Variants in GAP43 observed in about 807,000 individuals in gnomAD.
GAP43 encodes neuromodulin.
A neutral mutation model predicts 18.6 loss-of-function variants in GAP43; 6 were observed. The ratio of observed to expected loss-of-function variants is 0.32; its 90% confidence interval spans 0.18 to 0.64. GAP43 has a LOEUF of 0.64. GAP43 is among the 30% of genes least tolerant of loss of function. The pLI is 0.78. For synonymous variants in GAP43, 115 were observed against 111.4 expected (o/e 1.03, Z -0.20); for missense variants, 292 against 295.5 (o/e 0.99, Z 0.09).
intron 1 of GAP43, among the ~76,000 whole-genome samples, chr3:115,636,767 ATTC>A (rs1221625466): frequency 1.3e-5 from 2 of 151,960 alleles, no homozygotes; most frequent in East Asian, 3.9e-4. Flanking sequence ...CCAATTTCCT[ATTC>A]TTGTCTTATC....
chr3:115,707,540 C>T (rs1286907906), intron 2 of GAP43, among the ~76,000 whole-genome samples: 1 of 152,158 alleles, frequency 6.6e-6, no homozygotes, highest in African/African-American at 2.4e-5. Flanking sequence ...ATCCTCCTAC[C>T]TCAGCCTCCC....
At chr3:115,647,392 A>C (rs1708469236) in intron 1 of GAP43, among the ~76,000 whole-genome samples, 1 of 152,096 alleles carries the variant, frequency 6.6e-6, no homozygotes, top group African/African-American at 2.4e-5. Flanking sequence ...AACAGAGAAG[A>C]AAGAAGGTTG....
chr3:115,711,832 A>G (rs1577003100), intron 2 of GAP43, among the ~76,000 whole-genome samples: 1 of 152,180 alleles, frequency 6.6e-6, no homozygotes, highest in African/African-American at 2.4e-5. Flanking sequence ...AAGTGAGAAT[A>G]CCCTTAATTT....
chr3:115,683,126 C>CGCGTGT (rs1553723460), intron 2 of GAP43, among the ~76,000 whole-genome samples: 6 of 28,564 alleles, frequency 2.1e-4, no homozygotes, highest in African/African-American at 4.3e-4. Flanking sequence ...CATACATGTG[C>CGCGTGT]GCGCGCGTGC....
intron 2 of GAP43, among the ~76,000 whole-genome samples, chr3:115,714,693 C>T (rs561723756): frequency 1.0e-5 from 1 of 96,902 alleles, no homozygotes; most frequent in Non-Finnish European, 2.0e-5. Flanking sequence ...AACACATCAT[C>T]GATTTTTGTT....
At chr3:115,683,157 A>ATG (rs1559800471) in intron 2 of GAP43, among the ~76,000 whole-genome samples, 8 of 146,856 alleles carry the variant, frequency 5.4e-5, no homozygotes, top group Non-Finnish European at 1.2e-4. Context: ...GCACACACAC[A>ATG]CACACACACA....
Position 115,657,465 on chromosome 3 carries a change from C to A in GAP43, c.31-18548C>A, listed in dbSNP as rs192430370. ...CTTTCACTTGTTAATTCATTAATTTCTTTCGCAAATATTTTTTCAGTACCT... is the reference window on the plus strand; with the variant it reads ...CTTTCACTTGTTAATTCATTAATTTATTTCGCAAATATTTTTTCAGTACCT... On this transcript the variant is annotated intron_variant, in intron 1 of 2. Transcript: ENST00000305124. 6.6e-5 allele frequency among the ~76,000 whole-genome samples: 10 copies of A among 151,944 alleles called. No individual in the cohort carries two copies. In the East Asian group the frequency reaches 1.9e-3, roughly 29 times the overall value.
chr3:115,685,230 A>G (rs1348204114), intron 2 of GAP43, among the ~76,000 whole-genome samples: 1 of 152,154 alleles, frequency 6.6e-6, no homozygotes, highest in Admixed American at 6.5e-5. Flanking sequence ...TTATATTCAG[A>G]AACATATTGA....
chr3:115,669,862 G>A (rs905064218), intron 1 of GAP43, among the ~76,000 whole-genome samples: 17 of 151,562 alleles, frequency 1.1e-4, no homozygotes, highest in Admixed American at 7.2e-4. Context: ...GCTTCTCTGC[G>A]CACTCTGCTC....
At chr3:115,634,163 CA>C (rs1708299409) in intron 1 of GAP43, among the ~76,000 whole-genome samples, 1 of 151,812 alleles carries the variant, frequency 6.6e-6, no homozygotes, top group Non-Finnish European at 1.5e-5. Context: ...CTAGATGAGG[CA>C]AAGAAAAAAA....
At chr3:115,711,101 T>C (rs894846628) in intron 2 of GAP43, among the ~76,000 whole-genome samples, 13 of 152,212 alleles carry the variant, frequency 8.5e-5, no homozygotes, top group African/African-American at 2.9e-4. Flanking sequence ...CCTAATTTCT[T>C]ACAGCTTCAA....
At chr3:115,703,371 A>ATATT (rs1709321080) in intron 2 of GAP43, among the ~76,000 whole-genome samples, 1 of 152,078 alleles carries the variant, frequency 6.6e-6, no homozygotes, top group African/African-American at 2.4e-5. Context: ...TATTTGAGAT[A>ATATT]TATTTGTTCT....
intron 2 of GAP43, among the ~76,000 whole-genome samples, chr3:115,684,634 C>T (rs1372294970): frequency 6.6e-6 from 1 of 152,180 alleles, no homozygotes; most frequent in African/African-American, 2.4e-5. Flanking sequence ...CACCCTTTGT[C>T]TCTCTGAGGG....
At chr3:115,708,011 AC>A (rs1709386629) in intron 2 of GAP43, among the ~76,000 whole-genome samples, 1 of 33,128 alleles carries the variant, frequency 3.0e-5, no homozygotes, top group Admixed American at 3.1e-4. Context: ...ACACACACAC[AC>A]ACATATATAT....
At chr3:115,666,248 G>C (rs145531882) in intron 1 of GAP43, among the ~76,000 whole-genome samples, 1 of 152,122 alleles carries the variant, frequency 6.6e-6, no homozygotes, top group Non-Finnish European at 1.5e-5. Context: ...CCCTTCCCAA[G>C]ATAAGAAAGA....
intron 2 of GAP43, among the ~76,000 whole-genome samples, chr3:115,683,147 G>GCACA (rs869219452): frequency 0.015 from 1,971 of 127,320 alleles, 45 homozygotes; most frequent in African/African-American, 0.047. Flanking sequence ...GCGCGCGCGC[G>GCACA]CACACACACA....
chr3:115,635,581 T>G (rs573385241), intron 1 of GAP43, among the ~76,000 whole-genome samples: 9 of 152,186 alleles, frequency 5.9e-5, no homozygotes, highest in Non-Finnish European at 1.0e-4. Context: ...AACCTTCTAG[T>G]AAAAACTGTC....
intron 2 of GAP43, among the ~76,000 whole-genome samples, chr3:115,698,131 AAT>A (rs1430965752): frequency 1.5e-4 from 6 of 39,028 alleles, no homozygotes; most frequent in African/African-American, 6.2e-4. Context: ...TATTATATAT[AAT>A]ATATATAATA....
chr3:115,719,385 T>C (rs967767591), intron 2 of GAP43, among the ~76,000 whole-genome samples: 1 of 152,212 alleles, frequency 6.6e-6, no homozygotes, highest in African/African-American at 2.4e-5. Context: ...ATTCTCATCA[T>C]TCCTTAACTG....
Sources: gnomAD v4.1 joint callset for allele counts (sites outside exome capture counted in the v4.1 genomes callset) on GRCh38, gnomAD v4.1.1 for gene constraint, MANE v1.5 for transcripts, NCBI Gene and HGNC (gene_info 2026-07-23, HGNC 2026-07-21) for gene names.